The following ACADL variants were observed in gnomAD, a reference collection of about 807,000 sequenced individuals.
ACADL encodes the protein acyl-CoA dehydrogenase long chain, also known as long-chain specific acyl-CoA dehydrogenase, mitochondrial.
Under a neutral mutation model 56.9 loss-of-function variants are expected in ACADL, and 60 were observed. That is an observed-to-expected ratio of 1.05 (90% CI 0.86 to 1.31). ACADL has a LOEUF of 1.31. ACADL is among the 50% of genes most tolerant of loss of function. The pLI is 0.00. For missense variants in ACADL, 484 were observed against 525.5 expected (o/e 0.92, Z 0.77); for synonymous variants, 158 against 179.7 (o/e 0.88, Z 0.97).
At chr2:210,218,417 A>C (rs1310588248) in intron 2 of ACADL, 2 of 288,756 alleles carry the variant, frequency 6.9e-6, no homozygotes, top group Non-Finnish European at 1.3e-5. Flanking sequence ...AGCAGCTAAG[A>C]CTTCAGGTAC....
At chr2:210,195,767 A>G (rs544216823) in intron 8 of ACADL, among the ~76,000 whole-genome samples, 1 of 152,284 alleles carries the variant, frequency 6.6e-6, no homozygotes, top group East Asian at 1.9e-4. Flanking sequence ...AAGTATACAG[A>G]TTTTGCTACT....
At chr2:210,207,826 A>C (rs753140307) in intron 5 of ACADL, among the ~76,000 whole-genome samples, 35 of 152,220 alleles carry the variant, frequency 2.3e-4, no homozygotes, top group Admixed American at 3.3e-4. Context: ...ATAAAAGATC[A>C]TCAACGTGCC....
intron 1 of ACADL, 58 bp downstream of exon 1, chr2:210,225,129 G>A (rs1281207808): frequency 2.8e-5 from 43 of 1,526,780 alleles, no homozygotes; most frequent in Non-Finnish European, 3.6e-5. Context: ...GGAGTGACTC[G>A]CTGCCCCACC....
At chr2:210,213,016 G>C (rs1689011348) in intron 4 of ACADL, among the ~76,000 whole-genome samples, 1 of 152,124 alleles carries the variant, frequency 6.6e-6, no homozygotes, top group Non-Finnish European at 1.5e-5. Context: ...GGCTTATGCT[G>C]AATACCTGCT....
In ACADL at chr2:210,220,632, A is replaced by C. The variant is rs767628582; in HGVS notation, c.233+15T>G. 2.5e-6 allele frequency: 4 copies of C among 1,611,714 alleles called. No homozygotes were observed. The highest frequency in any genetic ancestry group is 3.4e-6 in the Non-Finnish European group (4 of 1,178,748). ...CCCTAGTATACATTACATTAGAGGAAAATGTGCCACTTACTCTGAGTGATG... is the reference window on the plus strand; with the variant it reads ...CCCTAGTATACATTACATTAGAGGACAATGTGCCACTTACTCTGAGTGATG... On this transcript the variant is annotated intron_variant, in intron 2 of 10. Transcript: ENST00000233710.
Position 210,203,277 on chromosome 2 carries a change from T to C in ACADL, c.984+54A>G, listed in dbSNP as rs912311011. 2.4e-4 allele frequency: 296 copies of C among 1,253,918 alleles called. 1 individual carries two copies. The highest frequency in any genetic ancestry group is 3.1e-5 in the Non-Finnish European group (27 of 857,832). 77.7% of individuals were successfully genotyped at this position (1,253,918 alleles called of 1,614,324 possible). A position where few individuals can be genotyped will look rare whatever the true frequency, so the allele number is the denominator to read the frequency against. ...CCAAACTTCTATTTACCCCAGGCCATTTCAGATTAGTAAACTGATACCATC... is the reference window on the plus strand; with the variant it reads ...CCAAACTTCTATTTACCCCAGGCCACTTCAGATTAGTAAACTGATACCATC... On this transcript the variant is annotated intron_variant, in intron 8 of 10. Coordinates refer to ENST00000233710, the MANE Select transcript of ACADL (RefSeq NM_001608.4).
intron 4 of ACADL, among the ~76,000 whole-genome samples, chr2:210,214,445 A>G (rs1245895316): frequency 6.9e-6 from 1 of 145,550 alleles, no homozygotes; most frequent in African/African-American, 2.6e-5. Flanking sequence ...ATATCCTCTC[A>G]TGACTTTCAA....
At chr2:210,204,889 C>T (rs1431781333) in intron 6 of ACADL, among the ~76,000 whole-genome samples, 2 of 152,208 alleles carry the variant, frequency 1.3e-5, no homozygotes, top group Non-Finnish European at 2.9e-5. Context: ...GGCTTTCCTA[C>T]TGCAATACAC....
chr2:210,211,632 A>G (rs1007465921), intron 4 of ACADL, among the ~76,000 whole-genome samples: 4 of 152,260 alleles, frequency 2.6e-5, no homozygotes, highest in East Asian at 1.9e-4. Flanking sequence ...CATGTAGGAC[A>G]TGACTGCTTC....
chr2:210,195,305 G>A lies in ACADL; in HGVS notation c.1018C>T (p.His340Tyr). 6.2e-7 allele frequency: 1 copy of A among 1,613,278 alleles called. No homozygotes were observed. The highest frequency in any genetic ancestry group is 8.5e-7 in the Non-Finnish European group (1 of 1,179,324). The change falls in exon 9 of 11, where the codon CAT becomes TAT. Residue 340 changes from histidine (H) to tyrosine (Y), a missense_variant. Physicochemically the swap from His to Tyr is moderately conservative, Grantham distance 83. Transcript: ENST00000233710. ...ACAAATGCTCGGGTTACACATATAT[G>A]TGTTTTTAATTCTGCTAATTTATGT... ...VQHKLAELKT[H>Y]ICVTRAFVDN...
chr2:210,216,730 T>A (rs1220995738), intron 3 of ACADL: 1 of 500,602 alleles, frequency 2.0e-6, no homozygotes, highest in Non-Finnish European at 3.6e-6. Context: ...AATGAACACT[T>A]ATTTAATTGA....
chr2:210,195,277 T>G lies in ACADL; in HGVS notation c.1046A>C (p.Asp349Ala). The stretch of plus-strand genomic sequence containing the variant: ...CGCTTCATGCAGCTGGAGACAGTTG[T>G]CCACAAATGCTCGGGTTACACATAT... ...THICVTRAFVDNCLQLHEAKR... is the reference protein window; with the variant it reads ...THICVTRAFVANCLQLHEAKR... Residue 349 changes from aspartate to alanine, a missense_variant, in exon 9 of 11, where the codon GAC becomes GCC. By Grantham distance (126) the Asp-to-Ala change is moderately radical (BLOSUM62 -2). Coordinates refer to ENST00000233710, the MANE Select transcript of ACADL (RefSeq NM_001608.4). 1 of 1,613,944 alleles carries G rather than the reference T, an allele frequency of 6.2e-7. No individual in the cohort carries two copies.
chr2:210,225,187 C>T lies in ACADL; in HGVS notation c.77G>A (p.Arg26Gln), dbSNP rs767391174. 28 of 1,532,660 alleles carry T rather than the reference C, an allele frequency of 1.8e-5. No homozygotes were observed. Among genetic ancestry groups the T allele is most frequent in the Admixed American group, 1.2e-4 (6 of 50,878 alleles). 94.9% of individuals were successfully genotyped at this position (1,532,660 alleles called of 1,614,324 possible). The part of the protein sequence containing the change: ...HRAPRQLPAA[R>Q]CSHSGGEERL... ...CGCGGAAGTCCCGGCTGGCACTCAC[C>T]GCGCGGCGGGCAGCTGGCGCGGCGC... Residue 26 changes from arginine to glutamine, a missense_variant and splice_region_variant, in exon 1 of 11, where the codon CGA (arginine) becomes CAA (glutamine). Arg to Gln is a conservative substitution (Grantham distance 43). Coordinates refer to ENST00000233710, the MANE Select transcript of ACADL (RefSeq NM_001608.4).
intron 1 of ACADL, among the ~76,000 whole-genome samples, chr2:210,222,508 C>CAA (rs797000679): frequency 0.023 from 1,862 of 81,318 alleles, 23 homozygotes; most frequent in African/African-American, 0.063. Context: ...AACAAACAAA[C>CAA]AAAAAAAAAA....
chr2:210,191,498 T>C (rs994753645), intron 10 of ACADL, among the ~76,000 whole-genome samples: 2 of 152,170 alleles, frequency 1.3e-5, no homozygotes, highest in African/African-American at 2.4e-5. Flanking sequence ...CCCCACCTAA[T>C]AGGCCTTTCT....
chr2:210,192,017 AAG>A (rs1426665079), intron 10 of ACADL, among the ~76,000 whole-genome samples: 3 of 152,108 alleles, frequency 2.0e-5, no homozygotes, highest in African/African-American at 7.2e-5. Flanking sequence ...ATATGATAAA[AAG>A]ATATATTTGA....
intron 10 of ACADL, 68 bp from the exon 11 acceptor site, chr2:210,189,122 G>C (rs1052160005): frequency 1.7e-6 from 2 of 1,154,710 alleles, no homozygotes; most frequent in Admixed American, 3.4e-5. Context: ...GTCTTACCAG[G>C]TAACTCATAA....
At chr2:210,210,747 A>G (rs1358289295) in intron 4 of ACADL, among the ~76,000 whole-genome samples, 1 of 152,112 alleles carries the variant, frequency 6.6e-6, no homozygotes. Flanking sequence ...GGAGTTTGAG[A>G]CCAGCCTGGG....
At chr2:210,192,109 T>C (rs1384483551) in intron 10 of ACADL, among the ~76,000 whole-genome samples, 1 of 152,032 alleles carries the variant, frequency 6.6e-6, no homozygotes, top group African/African-American at 2.4e-5. Flanking sequence ...TAATCAGATA[T>C]TTAAGATATG....
Sources: allele counts gnomAD v4.1 joint callset (sites outside exome capture counted in the v4.1 genomes callset), GRCh38; gene constraint gnomAD v4.1.1; transcripts MANE v1.5; gene names NCBI Gene and HGNC (gene_info 2026-07-23, HGNC 2026-07-21).